The following ST6GALNAC3 variants were observed in gnomAD, a reference collection of about 807,000 sequenced individuals.
The protein encoded by ST6GALNAC3 is alpha-N-acetylgalactosaminide alpha-2,6-sialyltransferase 3.
A neutral mutation model predicts 32.7 loss-of-function variants in ST6GALNAC3; 25 were observed. The ratio of observed to expected loss-of-function variants is 0.76; its 90% CI spans 0.56 to 1.07. The LOEUF is 1.07. Ranked by LOEUF, ST6GALNAC3 falls within the 50% of genes least tolerant of loss-of-function variation. ST6GALNAC3 has a pLI of 0.00. For missense variants in ST6GALNAC3, 355 were observed against 382.4 expected, an observed-to-expected ratio of 0.93 and a Z score of 0.60; for synonymous variants, 129 against 133.1, an observed-to-expected ratio of 0.97 and a Z score of 0.21.
intron 1 of ST6GALNAC3, among the ~76,000 whole-genome samples, chr1:76,244,702 A>G (rs968777077): frequency 2.0e-5 from 3 of 152,154 alleles, no homozygotes; most frequent in Non-Finnish European, 2.9e-5. Context: ...TGAGATAATC[A>G]TGTGGTTTTT....
chr1:76,372,933 A>T (rs1380494858), intron 2 of ST6GALNAC3, among the ~76,000 whole-genome samples: 1 of 151,876 alleles, frequency 6.6e-6, no homozygotes, highest in East Asian at 1.9e-4. Flanking sequence ...TCCTCCTTTA[A>T]TATTTAAAAT....
At chr1:76,605,441 G>A (rs1647463735) in intron 3 of ST6GALNAC3, among the ~76,000 whole-genome samples, 1 of 152,098 alleles carries the variant, frequency 6.6e-6, no homozygotes, top group Admixed American at 6.5e-5. Context: ...ACTATCATCA[G>A]AGCAAACAGA....
chr1:76,300,001 A>T (rs901638433), intron 1 of ST6GALNAC3, among the ~76,000 whole-genome samples: 16 of 152,122 alleles, frequency 1.1e-4, no homozygotes, highest in African/African-American at 3.6e-4. Context: ...GGCTTAGTGG[A>T]AGATGTTTGA....
chr1:76,150,911 A>C (rs1011904681), intron 1 of ST6GALNAC3, among the ~76,000 whole-genome samples: 1 of 152,152 alleles, frequency 6.6e-6, no homozygotes, highest in African/African-American at 2.4e-5. Flanking sequence ...GGGTCTTGAT[A>C]GAGCTAGCTG....
intron 1 of ST6GALNAC3, among the ~76,000 whole-genome samples, chr1:76,112,379 C>T (rs1397105079): frequency 6.9e-6 from 1 of 145,936 alleles, no homozygotes; most frequent in Non-Finnish European, 1.5e-5. Flanking sequence ...GGCTGACCCC[C>T]CCACCTCCTT....
At chr1:76,457,192 G>C (rs538346569) in intron 3 of ST6GALNAC3, among the ~76,000 whole-genome samples, 5 of 151,218 alleles carry the variant, frequency 3.3e-5, no homozygotes, top group South Asian at 4.2e-4. Context: ...CACTGCTCAA[G>C]GAAATAAAAG....
chr1:76,438,344 G>C (rs568703868), intron 3 of ST6GALNAC3, among the ~76,000 whole-genome samples: 1 of 151,728 alleles, frequency 6.6e-6, no homozygotes, highest in African/African-American at 2.4e-5. Context: ...GTAGAGACGG[G>C]GTTTCACCGT....
chr1:76,619,078 G>T (rs645124), intron 3 of ST6GALNAC3, among the ~76,000 whole-genome samples: 1 of 151,884 alleles, frequency 6.6e-6, no homozygotes, highest in Non-Finnish European at 1.5e-5. Flanking sequence ...CAGAGATCTA[G>T]GGAAGGCAAC....
At chr1:76,279,209 G>C (rs970320113) in intron 1 of ST6GALNAC3, among the ~76,000 whole-genome samples, 2 of 152,178 alleles carry the variant, frequency 1.3e-5, no homozygotes, top group African/African-American at 2.4e-5. Context: ...TAGAGCAGCA[G>C]TCTGTGTGGA....
chr1:76,123,629 T>G (rs1649038742), intron 1 of ST6GALNAC3, among the ~76,000 whole-genome samples: 1 of 151,478 alleles, frequency 6.6e-6, no homozygotes, highest in Non-Finnish European at 1.5e-5. Context: ...AAGGAAGGAG[T>G]AAATATTTTA....
chr1:76,114,066 C>T (rs1188331742), intron 1 of ST6GALNAC3, among the ~76,000 whole-genome samples: 2 of 145,640 alleles, frequency 1.4e-5, no homozygotes, highest in Non-Finnish European at 3.0e-5. Flanking sequence ...TGGTCTTGAA[C>T]TGCTGACTTC....
chr1:76,120,296 G>A (rs1325069956), intron 1 of ST6GALNAC3, among the ~76,000 whole-genome samples: 3 of 152,174 alleles, frequency 2.0e-5, no homozygotes, highest in Non-Finnish European at 2.9e-5. Context: ...GAGTGATCTC[G>A]TGTTTCCTTG....
intron 3 of ST6GALNAC3, among the ~76,000 whole-genome samples, chr1:76,548,555 T>G (rs1191647338): frequency 6.6e-6 from 1 of 152,176 alleles, no homozygotes; most frequent in Non-Finnish European, 1.5e-5. Context: ...CATAAAGTCT[T>G]TCTTACGTGA....
chr1:76,246,738 T>C (rs758261803), intron 1 of ST6GALNAC3, among the ~76,000 whole-genome samples: 3 of 152,172 alleles, frequency 2.0e-5, no homozygotes, highest in Non-Finnish European at 4.4e-5. Flanking sequence ...CTTCCTTGCA[T>C]TGGGTTCGAA....
chr1:76,470,823 A>T (rs1432744073), intron 3 of ST6GALNAC3, among the ~76,000 whole-genome samples: 3 of 152,106 alleles, frequency 2.0e-5, no homozygotes, highest in South Asian at 2.1e-4. Flanking sequence ...TGGGTTGAGC[A>T]CAGGGCGGGA....
chr1:76,075,395 T>A (rs906945906), intron 1 of ST6GALNAC3, among the ~76,000 whole-genome samples: 2 of 152,222 alleles, frequency 1.3e-5, no homozygotes, highest in Admixed American at 1.3e-4. Flanking sequence ...GAATGAGTTT[T>A]CTATGAGATC....
At chr1:76,480,246 T>A (rs998453699) in intron 3 of ST6GALNAC3, among the ~76,000 whole-genome samples, 2 of 152,192 alleles carry the variant, frequency 1.3e-5, no homozygotes, top group African/African-American at 4.8e-5. Context: ...CAATAATCAT[T>A]TGAAATTCAT....
intron 2 of ST6GALNAC3, among the ~76,000 whole-genome samples, chr1:76,378,722 C>T (rs184514695): frequency 6.6e-6 from 1 of 151,958 alleles, no homozygotes; most frequent in East Asian, 1.9e-4. Context: ...AAAGGATCAT[C>T]GTGGTATGAT....
chr1:76,552,494 G>C (rs969923391), intron 3 of ST6GALNAC3, among the ~76,000 whole-genome samples: 5 of 152,166 alleles, frequency 3.3e-5, no homozygotes, highest in Admixed American at 6.6e-5. Context: ...GTGAGTACCA[G>C]ATACCTCTAG....
Sources: allele counts gnomAD v4.1 joint callset (sites outside exome capture counted in the v4.1 genomes callset), GRCh38; gene constraint gnomAD v4.1.1; transcripts MANE v1.5; gene names NCBI Gene and HGNC (gene_info 2026-07-23, HGNC 2026-07-21).